The following OSBPL10 variants were observed in gnomAD, a reference collection of about 807,000 sequenced individuals.
The protein encoded by OSBPL10 is oxysterol-binding protein-related protein 10.
A neutral mutation model predicts 81.7 loss-of-function variants in OSBPL10; 49 were observed. The ratio of observed to expected loss-of-function variants is 0.60; its 90% confidence interval spans 0.48 to 0.76. OSBPL10 has a LOEUF of 0.76. OSBPL10 is among the 30% of genes least tolerant of loss of function. OSBPL10 has a pLI of 0.00. For missense variants in OSBPL10, 923 were observed against 987.8 expected (o/e 0.93, Z 0.88); for synonymous variants, 419 against 383.6 (o/e 1.09, Z -1.08).
At chr3:31,781,051 G>C (rs1698683662) in intron 4 of OSBPL10, among the ~76,000 whole-genome samples, 1 of 151,870 alleles carries the variant, frequency 6.6e-6, no homozygotes, top group Non-Finnish European at 1.5e-5. Context: ...GAACATAGAT[G>C]CTATAATCCT....
intron 4 of OSBPL10, among the ~76,000 whole-genome samples, chr3:31,777,449 C>T (rs189401787): frequency 9.2e-5 from 14 of 152,226 alleles, no homozygotes; most frequent in Admixed American, 9.2e-4. Flanking sequence ...GTGCTAATGT[C>T]CCTTTCTCTG....
intron 1 of OSBPL10, among the ~76,000 whole-genome samples, chr3:31,938,421 T>C (rs931606322): frequency 1.3e-5 from 2 of 152,194 alleles, no homozygotes; most frequent in Non-Finnish European, 2.9e-5. Flanking sequence ...CATAACAGAT[T>C]CAGGGGCTCC....
At chr3:31,947,075 G>C (rs1697724050) in intron 1 of OSBPL10, among the ~76,000 whole-genome samples, 1 of 152,202 alleles carries the variant, frequency 6.6e-6, no homozygotes, top group African/African-American at 2.4e-5. Context: ...CTCAGTGGCT[G>C]GTTAGATACT....
Position 32,009,631 on chromosome 3 carries a change from T to G in OSBPL10, n.298+36860A>C, listed in dbSNP as rs550046554. On this transcript the variant is annotated intron_variant and non_coding_transcript_variant, in intron 2 of 3. Coordinates refer to the OSBPL10 transcript ENST00000479173. Reference sequence around the variant, plus strand: ...GATGATATTATATATAAAATCAGATTTGAATTAGCAGCAGCACTGCAGTTG... The same window carrying G: ...GATGATATTATATATAAAATCAGATGTGAATTAGCAGCAGCACTGCAGTTG... 5.3e-5 allele frequency among the ~76,000 whole-genome samples: 8 copies of G among 152,248 alleles called. No individual in the cohort carries two copies. The South Asian group carries it at 1.7e-3, about 32-fold the overall frequency.
chr3:31,971,990 C>T (rs77353553), intron 1 of OSBPL10, among the ~76,000 whole-genome samples: 7 of 152,250 alleles, frequency 4.6e-5, no homozygotes, highest in Admixed American at 1.3e-4. Context: ...ACATAAAAAG[C>T]GCTCAAAAAT....
chr3:31,764,044 G>C (rs1698133440), intron 4 of OSBPL10, among the ~76,000 whole-genome samples: 1 of 152,162 alleles, frequency 6.6e-6, no homozygotes, highest in African/African-American at 2.4e-5. Flanking sequence ...AATCCTCAAG[G>C]CACACAAATA....
intron 1 of OSBPL10, among the ~76,000 whole-genome samples, chr3:32,058,555 G>C (rs930781429): frequency 6.6e-6 from 1 of 152,154 alleles, no homozygotes; most frequent in Admixed American, 6.5e-5. Context: ...TCGAACTCCT[G>C]ACCTCAAGTG....
intron 1 of OSBPL10, among the ~76,000 whole-genome samples, chr3:32,069,628 A>G (rs1399689765): frequency 3.3e-5 from 5 of 152,324 alleles, no homozygotes; most frequent in East Asian, 3.9e-4. Flanking sequence ...AGCTCCTGAC[A>G]TTAGAAAAAA....
chr3:31,942,000 C>G (rs982569922), intron 1 of OSBPL10, among the ~76,000 whole-genome samples: 1 of 152,170 alleles, frequency 6.6e-6, no homozygotes, highest in African/African-American at 2.4e-5. Context: ...TATGGCAGGG[C>G]ACGGTGGCTC....
At chr3:31,937,964 A>C (rs951073532) in intron 1 of OSBPL10, among the ~76,000 whole-genome samples, 1 of 152,010 alleles carries the variant, frequency 6.6e-6, no homozygotes, top group Non-Finnish European at 1.5e-5. Context: ...TAGTTCCTTG[A>C]CCTCATTCTG....
At chr3:31,680,291 C>A (rs550787732) in intron 8 of OSBPL10, among the ~76,000 whole-genome samples, 7 of 152,174 alleles carry the variant, frequency 4.6e-5, no homozygotes, top group Admixed American at 1.3e-4. Context: ...GATCCCCCTT[C>A]CCCGGCCCAC....
chr3:31,912,672 A>C (rs1051057778), intron 1 of OSBPL10, among the ~76,000 whole-genome samples: 1 of 152,212 alleles, frequency 6.6e-6, no homozygotes, highest in African/African-American at 2.4e-5. Flanking sequence ...GCTAGACTAC[A>C]ATGCGCCTTC....
At chr3:31,748,224 C>T in intron 4 of OSBPL10, 104 bp from the exon 5 acceptor site, 1 of 981,784 alleles carries the variant, frequency 1.0e-6, no homozygotes. Context: ...AGGTGAGGGT[C>T]AACTCAGCGT....
chr3:32,057,016 G>T (rs751118464), intron 1 of OSBPL10, among the ~76,000 whole-genome samples: 1 of 152,158 alleles, frequency 6.6e-6, no homozygotes, highest in Non-Finnish European at 1.5e-5. Flanking sequence ...TAATGCATTA[G>T]CATGCTAAAA....
chr3:32,059,326 C>G (rs539806951), intron 1 of OSBPL10, among the ~76,000 whole-genome samples: 1 of 148,738 alleles, frequency 6.7e-6, no homozygotes, highest in African/African-American at 2.5e-5. Context: ...CAGTGGCTCA[C>G]GCCTGTAATC....
At chr3:31,698,901 C>T (rs771570788) in intron 7 of OSBPL10, among the ~76,000 whole-genome samples, 7 of 152,108 alleles carry the variant, frequency 4.6e-5, no homozygotes, top group Non-Finnish European at 7.4e-5. Flanking sequence ...CTTTTCTTTT[C>T]CCTCCCTCCT....
At chr3:31,945,321 C>T (rs1185551848) in intron 1 of OSBPL10, among the ~76,000 whole-genome samples, 1 of 152,144 alleles carries the variant, frequency 6.6e-6, no homozygotes. Flanking sequence ...AAAGTCAACA[C>T]CAGTGACATG....
chr3:31,834,531 A>G (rs975223595), intron 3 of OSBPL10, among the ~76,000 whole-genome samples: 1 of 151,708 alleles, frequency 6.6e-6, no homozygotes, highest in African/African-American at 2.4e-5. Context: ...GCACATAATC[A>G]CACAGGCCTC....
intron 1 of OSBPL10, among the ~76,000 whole-genome samples, chr3:32,055,926 A>T (rs1424126410): frequency 6.6e-6 from 1 of 152,196 alleles, no homozygotes; most frequent in Non-Finnish European, 1.5e-5. Context: ...GTGTAAACCC[A>T]TGGCTGGCCT....
Sources: gnomAD v4.1 joint callset for allele counts (sites outside exome capture counted in the v4.1 genomes callset) on GRCh38, gnomAD v4.1.1 for gene constraint, MANE v1.5 for transcripts, NCBI Gene and HGNC (gene_info 2026-07-23, HGNC 2026-07-21) for gene names.